ARL8B: variants seen among roughly 807,000 people sequenced by gnomAD.
ARL8B encodes the protein ADP-ribosylation factor-like protein 8B.
A neutral mutation model predicts 30.6 loss-of-function variants in ARL8B; 9 were observed. The ratio of observed to expected loss-of-function variants is 0.29; its 90% CI spans 0.18 to 0.51. The LOEUF (loss-of-function observed/expected upper bound fraction) is 0.51. ARL8B is among the 20% of genes least tolerant of loss of function. ARL8B has a pLI of 0.97. For missense variants in ARL8B, 130 were observed against 227.2 expected (o/e 0.57, Z 2.75); for synonymous variants, 74 against 76.0 (o/e 0.97, Z 0.14).
chr3:5,148,839 A>T lies in ARL8B; in HGVS notation c.124-21664A>T, dbSNP rs116609329. Among the ~76,000 whole-genome samples, 1,360 of 152,232 alleles carry T rather than the reference A, an allele frequency of 8.9e-3. 17 individuals are homozygous for T. Among genetic ancestry groups the T allele is most frequent in the African/African-American group, 0.031 (1,275 of 41,536 alleles). The stretch of plus-strand genomic sequence containing the variant: ...GCCTGGTTCAAGGGTTGTCCCTTCA[A>T]ACCTTCAGCATTCTCCCCAAAGGAC... On this transcript the variant is annotated intron_variant, in intron 1 of 6. Transcript: ENST00000256496.
At chr3:5,160,377 C>T (rs780673963) in intron 1 of ARL8B, among the ~76,000 whole-genome samples, 10 of 151,990 alleles carry the variant, frequency 6.6e-5, no homozygotes, top group Non-Finnish European at 1.5e-4. Context: ...TTAGTAGCAC[C>T]GTTATTAGAA....
chr3:5,159,292 T>C (rs371634455), intron 1 of ARL8B, among the ~76,000 whole-genome samples: 1 of 92,816 alleles, frequency 1.1e-5, no homozygotes, highest in South Asian at 3.8e-4. Flanking sequence ...AGAGTGACTC[T>C]GTCTCAAAAA....
chr3:5,175,108 T>G (rs2054717389), intron 6 of ARL8B, among the ~76,000 whole-genome samples: 1 of 152,122 alleles, frequency 6.6e-6, no homozygotes, highest in East Asian at 1.9e-4. Context: ...GTTATCAAAC[T>G]CTTGAACAGC....
At chr3:5,176,975 A>G (rs1424537185) in intron 6 of ARL8B, among the ~76,000 whole-genome samples, 1 of 152,240 alleles carries the variant, frequency 6.6e-6, no homozygotes, top group Non-Finnish European at 1.5e-5. Flanking sequence ...GCAAAGAATT[A>G]TCCAGCATAA....
intron 1 of ARL8B, chr3:5,128,470 T>C (rs763085922): frequency 2.6e-5 from 12 of 455,076 alleles, no homozygotes; most frequent in South Asian, 1.9e-4. Context: ...ACCAAGAATC[T>C]TGAAAGCCAA....
At chr3:5,172,257 A>G (rs1159068646) in intron 3 of ARL8B, 34 bp downstream of exon 3, 4 of 1,557,100 alleles carry the variant, frequency 2.6e-6, no homozygotes, top group Non-Finnish European at 2.6e-6. Context: ...TTGCTTTTAA[A>G]TCAATGTAGG....
chr3:5,140,699 C>T (rs577143658), intron 1 of ARL8B, among the ~76,000 whole-genome samples: 24 of 152,148 alleles, frequency 1.6e-4, no homozygotes, highest in African/African-American at 4.8e-4. Flanking sequence ...TGTGTGCAGC[C>T]GTATGTATGG....
At chr3:5,151,742 A>C (rs534756514) in intron 1 of ARL8B, among the ~76,000 whole-genome samples, 1 of 101,810 alleles carries the variant, frequency 9.8e-6, no homozygotes, top group South Asian at 3.6e-4. Flanking sequence ...TGGAGATAGG[A>C]TCTTGCTGTC....
intron 1 of ARL8B, among the ~76,000 whole-genome samples, chr3:5,163,279 G>A (rs758717462): frequency 3.3e-5 from 5 of 152,028 alleles, no homozygotes; most frequent in African/African-American, 7.2e-5. Flanking sequence ...GAGCCACCAC[G>A]CCTGACCAGC....
In ARL8B at chr3:5,179,827, A is replaced by G. The variant is rs1189907381; in HGVS notation, c.*1114A>G. 1.3e-5 allele frequency: 2 copies of G among 152,466 alleles called. No homozygotes were observed. The highest frequency in any genetic ancestry group is 2.9e-5 in the Non-Finnish European group (2 of 68,032). 9.4% of individuals were successfully genotyped at this position (152,466 alleles called of 1,614,324 possible). A position where few individuals can be genotyped will look rare whatever the true frequency, so the allele number is the denominator to read the frequency against. On this transcript the variant is annotated 3_prime_UTR_variant, in exon 7 of 7. Transcript: ENST00000256496. ...TAGACCTGCCTGCTTTATCTAATGT[A>G]ATCATGCTCAATGTCTACAGGTTGT...
chr3:5,156,549 G>A (rs2054535098), intron 1 of ARL8B, among the ~76,000 whole-genome samples: 1 of 152,178 alleles, frequency 6.6e-6, no homozygotes, highest in South Asian at 2.1e-4. Flanking sequence ...CCAAGTAGCT[G>A]GGATTACAGG....
At chr3:5,131,952 T>G (rs2054287018) in intron 1 of ARL8B, among the ~76,000 whole-genome samples, 1 of 152,356 alleles carries the variant, frequency 6.6e-6, no homozygotes, top group South Asian at 2.1e-4. Flanking sequence ...GGCATAATCA[T>G]GGCTCACTGC....
intron 1 of ARL8B, among the ~76,000 whole-genome samples, chr3:5,142,739 G>A (rs1331047493): frequency 6.6e-6 from 1 of 152,184 alleles, no homozygotes; most frequent in African/African-American, 2.4e-5. Context: ...GCAAATGAGA[G>A]GTTGAGTTTT....
intron 1 of ARL8B, among the ~76,000 whole-genome samples, chr3:5,125,980 A>C (rs1181925629): frequency 6.6e-6 from 1 of 152,190 alleles, no homozygotes; most frequent in Non-Finnish European, 1.5e-5. Flanking sequence ...AGAACATCTC[A>C]TTGTACTCCA....
chr3:5,159,320 A>T (rs980166157), intron 1 of ARL8B, among the ~76,000 whole-genome samples: 9 of 132,712 alleles, frequency 6.8e-5, no homozygotes, highest in African/African-American at 2.5e-4. Context: ...AAAAAAAAAA[A>T]TGCCAGGTGC....
At position 5,172,629 on chromosome 3, in the gene ARL8B, T is replaced by A. The variant is rs1375240942; in HGVS notation, c.279-18T>A. ...GGCATACAGAGAAGGTATGTTGAGA[T>A]CACTTCATTTTTTTAAGTTACATGA... On this transcript the variant is annotated intron_variant, in intron 3 of 6. Transcript: ENST00000256496. 1.3e-5 allele frequency: 21 copies of A among 1,568,332 alleles called. No homozygotes were observed. The highest frequency in any genetic ancestry group is 1.8e-5 in the Non-Finnish European group (20 of 1,140,418).
At chr3:5,129,586 G>A (rs2054263831) in intron 1 of ARL8B, among the ~76,000 whole-genome samples, 1 of 152,166 alleles carries the variant, frequency 6.6e-6, no homozygotes, top group Non-Finnish European at 1.5e-5. Flanking sequence ...TGTTGCCCAT[G>A]CTGGAGTGTA....
At chr3:5,174,170 C>A in intron 5 of ARL8B, 86 bp downstream of exon 5, 1 of 1,285,842 alleles carries the variant, frequency 7.8e-7, no homozygotes, top group Non-Finnish European at 1.1e-6. Flanking sequence ...ATGATCATAG[C>A]CATTTTTTTT....
At chr3:5,139,317 C>G (rs1340493125) in intron 1 of ARL8B, among the ~76,000 whole-genome samples, 1 of 152,116 alleles carries the variant, frequency 6.6e-6, no homozygotes, top group Non-Finnish European at 1.5e-5. Flanking sequence ...ATTTTCTTGC[C>G]TCTACTATGC....
Sources: gnomAD v4.1 joint callset for allele counts (sites outside exome capture counted in the v4.1 genomes callset) on GRCh38, gnomAD v4.1.1 for gene constraint, MANE v1.5 for transcripts, NCBI Gene and HGNC (gene_info 2026-07-23, HGNC 2026-07-21) for gene names.